The following SAMMSON variants were observed in gnomAD, a reference collection of about 807,000 sequenced individuals.
The protein encoded by SAMMSON is long intergenic non-protein coding RNA 1212.
intron 7 of SAMMSON, among the ~76,000 whole-genome samples, chr3:70,335,662 T>A (rs1164175978): frequency 1.3e-5 from 2 of 152,016 alleles, no homozygotes; most frequent in African/African-American, 2.4e-5. Flanking sequence ...CCTGTCTGGG[T>A]AATTTTTAGT....
chr3:70,358,595 G>C (rs1435506595), intron 9 of SAMMSON, among the ~76,000 whole-genome samples: 1 of 152,152 alleles, frequency 6.6e-6, no homozygotes, highest in East Asian at 1.9e-4. Context: ...TATAGGAGTT[G>C]TTAGTCATGT....
intron 7 of SAMMSON, among the ~76,000 whole-genome samples, chr3:70,321,397 A>G (rs770627015): frequency 2.6e-5 from 4 of 152,092 alleles, no homozygotes; most frequent in African/African-American, 4.8e-5. Flanking sequence ...TGATCTGGAG[A>G]TTCATCCACA....
intron 4 of SAMMSON, among the ~76,000 whole-genome samples, chr3:70,093,997 A>G (rs774409676): frequency 4.6e-5 from 7 of 152,308 alleles, no homozygotes; most frequent in South Asian, 4.1e-4. Flanking sequence ...ATGGGGAACC[A>G]AAAACCTGAC....
At chr3:70,290,091 C>T (rs199980594) in intron 6 of SAMMSON, among the ~76,000 whole-genome samples, 6,023 of 152,232 alleles carry the variant, frequency 0.04, 180 homozygotes, top group South Asian at 0.079. Flanking sequence ...AGCTTTGTTC[C>T]GTTGCTGGTG....
chr3:70,234,132 T>C (rs1197093735), intron 4 of SAMMSON, among the ~76,000 whole-genome samples: 1 of 152,140 alleles, frequency 6.6e-6, no homozygotes, highest in South Asian at 2.1e-4. Context: ...CCCAGAAATA[T>C]CTGAGTGGGA....
intron 8 of SAMMSON, among the ~76,000 whole-genome samples, chr3:70,357,102 A>G (rs1702835753): frequency 6.6e-6 from 1 of 152,054 alleles, no homozygotes; most frequent in African/African-American, 2.4e-5. Flanking sequence ...CAAACTTGGA[A>G]CGTGCACCCC....
At chr3:70,309,880 C>T (rs1011512951) in intron 7 of SAMMSON, among the ~76,000 whole-genome samples, 9 of 152,100 alleles carry the variant, frequency 5.9e-5, no homozygotes, top group Non-Finnish European at 1.2e-4. Flanking sequence ...AATTCAATGC[C>T]TACGCTGTAC....
chr3:70,092,901 TG>T (rs1559789513), intron 4 of SAMMSON, among the ~76,000 whole-genome samples: 1 of 77,836 alleles, frequency 1.3e-5, no homozygotes, highest in Non-Finnish European at 2.9e-5. Flanking sequence ...CTAGTGTTTT[TG>T]TTTTTTTTTT....
chr3:70,183,033 G>GGAAAAGA (rs1438008507), intron 4 of SAMMSON, among the ~76,000 whole-genome samples: 3 of 152,062 alleles, frequency 2.0e-5, no homozygotes, highest in Non-Finnish European at 2.9e-5. Context: ...TAGGCATTTG[G>GGAAAAGA]GTCCTCCTCA....
chr3:70,088,640 A>G (rs1263050355), intron 4 of SAMMSON, among the ~76,000 whole-genome samples: 1 of 152,198 alleles, frequency 6.6e-6, no homozygotes, highest in Non-Finnish European at 1.5e-5. Flanking sequence ...TGGATGAGCT[A>G]TCGTCATTCA....
intron 2 of SAMMSON, among the ~76,000 whole-genome samples, chr3:70,405,639 G>T (rs953928644): frequency 6.6e-6 from 1 of 152,122 alleles, no homozygotes; most frequent in African/African-American, 2.4e-5. Context: ...TAATAGAATA[G>T]AAATTATCCA....
At chr3:70,255,142 C>A (rs1451033016) in intron 6 of SAMMSON, among the ~76,000 whole-genome samples, 1 of 152,176 alleles carries the variant, frequency 6.6e-6, no homozygotes, top group African/African-American at 2.4e-5. Context: ...TTAAACCATG[C>A]TGCTCCTTTG....
chr3:70,404,428 A>G (rs9833791), intron 2 of SAMMSON, among the ~76,000 whole-genome samples: 35,094 of 152,084 alleles, frequency 0.23, 4,294 homozygotes, highest in South Asian at 0.33. Context: ...GTCAAGATTC[A>G]GAGATACCCG....
intron 6 of SAMMSON, among the ~76,000 whole-genome samples, chr3:70,290,680 G>A (rs1382840235): frequency 1.3e-5 from 2 of 152,152 alleles, no homozygotes; most frequent in East Asian, 3.9e-4. Flanking sequence ...CTTGCAGTTT[G>A]ATCTCAGACT....
At chr3:70,018,894 G>T (rs1465011350) in intron 3 of SAMMSON, among the ~76,000 whole-genome samples, 4 of 152,232 alleles carry the variant, frequency 2.6e-5, no homozygotes, top group African/African-American at 9.6e-5. Context: ...GAGTGGTTTT[G>T]AGTGAGTTTC....
intron 6 of SAMMSON, among the ~76,000 whole-genome samples, chr3:70,278,183 T>C (rs193030715): frequency 6.6e-6 from 1 of 152,204 alleles, no homozygotes. Flanking sequence ...GCTCATAGTG[T>C]ATATTCTTTT....
chr3:70,391,830 G>A (rs1181765395), downstream of SAMMSON, among the ~76,000 whole-genome samples: 1 of 152,010 alleles, frequency 6.6e-6, no homozygotes, highest in Non-Finnish European at 1.5e-5. Context: ...GACGCATCAT[G>A]GCAATATCTA....
intron 3 of SAMMSON, among the ~76,000 whole-genome samples, chr3:70,067,716 T>C (rs1265438190): frequency 3.3e-5 from 5 of 152,084 alleles, no homozygotes; most frequent in Non-Finnish European, 7.4e-5. Flanking sequence ...AAGCTGCAGC[T>C]GTGCCTGTAC....
At position 70,124,421 on chromosome 3, in the gene SAMMSON, T is replaced by C. The variant is rs147636564; in HGVS notation, n.507+52856T>C. Among the ~76,000 whole-genome samples the C allele has an allele frequency of 7.0e-4, 107 of 152,330 alleles. 3 individuals are homozygous for C. In the Middle Eastern group the frequency reaches 0.01, roughly 15 times the overall value. ...AAAAGCTTGTTCGGTAATTAGGTAC[T>C]AGGGAATCACATATACAAAAAATTT... On this transcript the variant is annotated intron_variant and non_coding_transcript_variant, in intron 4 of 9. Transcript: ENST00000642114.
Sources: gnomAD v4.1 joint callset for allele counts (sites outside exome capture counted in the v4.1 genomes callset) on GRCh38, gnomAD v4.1.1 for gene constraint, MANE v1.5 for transcripts, NCBI Gene and HGNC (gene_info 2026-07-23, HGNC 2026-07-21) for gene names.